The following MTUS2 variants were observed in gnomAD, a reference collection of about 807,000 sequenced individuals.
MTUS2 encodes microtubule associated scaffold protein 2, also known as microtubule-associated tumor suppressor candidate 2.
MTUS2 carries 40 observed loss-of-function variants against 114.1 expected under a neutral mutation model. The ratio of observed to expected loss-of-function variants is 0.35; its 90% CI spans 0.27 to 0.46. The LOEUF is 0.46. Ranked by LOEUF, MTUS2 falls within the 20% of genes least tolerant of loss-of-function variation. The pLI is 1.00. For synonymous variants in MTUS2, 688 were observed against 672.0 expected, an observed-to-expected ratio of 1.02 and a Z score of -0.37; for missense variants, 1,679 against 1,705.4, an observed-to-expected ratio of 0.98 and a Z score of 0.27.
chr13:28,943,196 C>A (rs772448379), intron 2 of MTUS2, among the ~76,000 whole-genome samples: 1 of 152,134 alleles, frequency 6.6e-6, no homozygotes, highest in African/African-American at 2.4e-5. Flanking sequence ...TTTCATATTG[C>A]TATTTTTAGA....
intron 7 of MTUS2, among the ~76,000 whole-genome samples, chr13:29,346,610 A>AGCAAGCGGGACTTTCG (rs139070989): frequency 1.5e-5 from 1 of 66,620 alleles, no homozygotes; most frequent in African/African-American, 4.0e-5. Flanking sequence ...CTGCTGAGAA[A>AGCAAGCGGGACTTTCG]GGTTTCACGT....
Position 29,465,140 on chromosome 13 carries a change from G to A in MTUS2, c.3185-15010G>A, listed in dbSNP as rs112386567. ...CAGTAGAGCAGCCGGCACAGAATGAGGGCTCAGTACCCATTAGCTGTGAAG... is the reference window on the plus strand; with the variant it reads ...CAGTAGAGCAGCCGGCACAGAATGAAGGCTCAGTACCCATTAGCTGTGAAG... On this transcript the variant is annotated intron_variant, in intron 9 of 15. Coordinates refer to ENST00000612955, the MANE Select transcript of MTUS2 (RefSeq NM_001033602.4). Among the ~76,000 whole-genome samples the A allele has an allele frequency of 5.6e-3, 846 of 152,320 alleles. 7 individuals are homozygous for A. The highest frequency in any genetic ancestry group is 0.019 in the African/African-American group (809 of 41,558).
intron 8 of MTUS2, among the ~76,000 whole-genome samples, chr13:29,416,906 G>A (rs1453956047): frequency 6.6e-6 from 1 of 152,080 alleles, no homozygotes; most frequent in African/African-American, 2.4e-5. Flanking sequence ...CTATCTCTGG[G>A]TTAACTTTCC....
chr13:29,436,057 G>T (rs1877384073), intron 8 of MTUS2, among the ~76,000 whole-genome samples: 1 of 152,222 alleles, frequency 6.6e-6, no homozygotes, highest in Non-Finnish European at 1.5e-5. Context: ...GGCAGTTCAG[G>T]CTGTGGAGTG....
At position 29,002,402 on chromosome 13, in the gene MTUS2, C is replaced by T. The variant is rs556391325; in HGVS notation, c.-242-22055C>T. Among the ~76,000 whole-genome samples, 17 of 152,310 alleles carry T rather than the reference C, an allele frequency of 1.1e-4. No homozygotes were observed. The South Asian group carries it at 3.1e-3, about 28-fold the overall frequency. On this transcript the variant is annotated intron_variant, in intron 2 of 15. Transcript: ENST00000612955. ...TTTCCTGCTTATACCACAATTGATA[C>T]ACTATATACCCATATATACTATATA...
chr13:29,272,416 T>C (rs1381530746), intron 5 of MTUS2, among the ~76,000 whole-genome samples: 1 of 152,214 alleles, frequency 6.6e-6, no homozygotes, highest in African/African-American at 2.4e-5. Context: ...TTAATGACTG[T>C]TTTGCTTTTC....
At chr13:28,941,723 G>A (rs1159233115) in intron 2 of MTUS2, among the ~76,000 whole-genome samples, 1 of 139,426 alleles carries the variant, frequency 7.2e-6, no homozygotes, top group Non-Finnish European at 1.5e-5. Context: ...ATATTCTTTG[G>A]TACATCAAAC....
chr13:29,144,128 G>A (rs554745410), intron 5 of MTUS2, among the ~76,000 whole-genome samples: 1 of 152,320 alleles, frequency 6.6e-6, no homozygotes, highest in South Asian at 2.1e-4. Context: ...AATCCAGAAA[G>A]AGGGACATAA....
chr13:29,291,970 C>T (rs1898736173), intron 6 of MTUS2, among the ~76,000 whole-genome samples: 1 of 152,142 alleles, frequency 6.6e-6, no homozygotes, highest in Non-Finnish European at 1.5e-5. Flanking sequence ...TTTAGCTTTG[C>T]ATGTATCCTG....
At chr13:28,960,501 C>T (rs916492194) in intron 2 of MTUS2, among the ~76,000 whole-genome samples, 6 of 152,072 alleles carry the variant, frequency 3.9e-5, no homozygotes, top group African/African-American at 1.2e-4. Context: ...TATCCTCATA[C>T]AATTGAATGT....
intron 4 of MTUS2, among the ~76,000 whole-genome samples, chr13:29,080,937 G>T (rs577489670): frequency 4.6e-5 from 7 of 152,210 alleles, no homozygotes; most frequent in African/African-American, 1.7e-4. Flanking sequence ...TGTTGACCAG[G>T]GTGGTCTTGA....
intron 10 of MTUS2, among the ~76,000 whole-genome samples, chr13:29,482,738 A>C (rs1472272544): frequency 6.6e-6 from 1 of 152,232 alleles, no homozygotes; most frequent in African/African-American, 2.4e-5. Flanking sequence ...TTCACATCTT[A>C]TCCTCACAGC....
At chr13:29,476,224 C>T (rs1034054044) in intron 9 of MTUS2, among the ~76,000 whole-genome samples, 6 of 152,126 alleles carry the variant, frequency 3.9e-5, no homozygotes, top group Non-Finnish European at 8.8e-5. Context: ...GCCTACACTC[C>T]ATGATGTTTG....
chr13:28,868,306 G>A (rs188948380), intron 2 of MTUS2, among the ~76,000 whole-genome samples: 22 of 152,292 alleles, frequency 1.4e-4, no homozygotes, highest in Admixed American at 1.0e-3. Flanking sequence ...CTTTATTTCT[G>A]CAGTGGTTTA....
intron 2 of MTUS2, among the ~76,000 whole-genome samples, chr13:28,903,342 C>A (rs2137969125): frequency 6.6e-6 from 1 of 151,472 alleles, no homozygotes; most frequent in South Asian, 2.1e-4. Context: ...ATACATGTGC[C>A]ATGTTGGTGT....
At position 29,492,634 on chromosome 13, in the gene MTUS2, T is replaced by A. The variant is rs201809513; in HGVS notation, c.3506-12T>A. ...GAAAGACCAACTTGACAATTTAATG[T>A]CTTCTTTCCAGAATTGATGTCCACT... is the stretch of plus-strand genomic sequence containing the variant. On this transcript the variant is annotated splice_polypyrimidine_tract_variant and intron_variant, in intron 11 of 15. Transcript: ENST00000612955. The A allele has an allele frequency of 1.9e-4, 300 of 1,608,252 alleles. 1 individual carries two copies. Among genetic ancestry groups the A allele is most frequent in the Middle Eastern group, 9.9e-4 (6 of 6,066 alleles).
chr13:29,477,683 C>T lies in MTUS2; in HGVS notation c.3185-2467C>T, dbSNP rs187064782. Among the ~76,000 whole-genome samples the T allele has an allele frequency of 1.2e-3, 187 of 152,268 alleles. 1 individual carries two copies. The highest frequency in any genetic ancestry group is 4.4e-3 in the African/African-American group (182 of 41,554). ...TAGCAGACAAGCAAAATGTCAGCTTCCTACCTGTGCTCTGAAGCTTGGTGC... is the reference window on the plus strand; with the variant it reads ...TAGCAGACAAGCAAAATGTCAGCTTTCTACCTGTGCTCTGAAGCTTGGTGC... On this transcript the variant is annotated intron_variant, in intron 9 of 15. Coordinates refer to ENST00000612955, the MANE Select transcript of MTUS2 (RefSeq NM_001033602.4).
chr13:29,218,955 T>C (rs1376142953), intron 5 of MTUS2, among the ~76,000 whole-genome samples: 2 of 11,124 alleles, frequency 1.8e-4, no homozygotes, highest in African/African-American at 5.9e-4. Flanking sequence ...TTCATTTCTT[T>C]TTTTTTTTTT....
intron 10 of MTUS2, among the ~76,000 whole-genome samples, chr13:29,482,999 T>C (rs754231585): frequency 6.6e-6 from 1 of 152,178 alleles, no homozygotes; most frequent in Non-Finnish European, 1.5e-5. Context: ...TGTTTCTGTT[T>C]AGTGGGAGAG....
Sources: allele counts gnomAD v4.1 joint callset (sites outside exome capture counted in the v4.1 genomes callset), GRCh38; gene constraint gnomAD v4.1.1; transcripts MANE v1.5; gene names NCBI Gene and HGNC (gene_info 2026-07-23, HGNC 2026-07-21).